The following PPTC7 variants were observed in gnomAD, a reference collection of about 807,000 sequenced individuals.
The protein encoded by PPTC7 is protein phosphatase PTC7 homolog.
A neutral mutation model predicts 30.8 loss-of-function variants in PPTC7; 6 were observed. That is an observed-to-expected ratio of 0.19 (90% CI 0.11 to 0.38). The LOEUF (loss-of-function observed/expected upper bound fraction) is 0.38. Ranked by LOEUF, PPTC7 falls within the 10% of genes least tolerant of loss-of-function variation. The pLI is 1.00. For missense variants in PPTC7, 218 were observed against 404.8 expected (o/e 0.54, Z 3.96); for synonymous variants, 163 against 168.1 (o/e 0.97, Z 0.23).
chr12:110,540,167 A>T (rs1196748694), intron 3 of PPTC7, among the ~76,000 whole-genome samples: 3 of 152,204 alleles, frequency 2.0e-5, no homozygotes, highest in African/African-American at 7.2e-5. Flanking sequence ...AACTGAAACT[A>T]CCGAGTAAAA....
At chr12:110,554,930 T>C (rs575653414) in intron 1 of PPTC7, among the ~76,000 whole-genome samples, 7 of 152,222 alleles carry the variant, frequency 4.6e-5, no homozygotes, top group Non-Finnish European at 7.3e-5. Context: ...TGTATTAATT[T>C]TATTTTTATC....
chr12:110,564,085 T>A (rs981444704), intron 1 of PPTC7, among the ~76,000 whole-genome samples: 3 of 152,256 alleles, frequency 2.0e-5, no homozygotes, highest in Non-Finnish European at 4.4e-5. Flanking sequence ...ATCACTGGTC[T>A]GCCTTCCACA....
chr12:110,569,598 G>A (rs761425546), intron 1 of PPTC7, among the ~76,000 whole-genome samples: 29 of 152,204 alleles, frequency 1.9e-4, no homozygotes, highest in Non-Finnish European at 3.5e-4. Context: ...AGGAAAAAAA[G>A]AGCCAGTTTA....
At chr12:110,562,171 G>C (rs1050457588) in intron 1 of PPTC7, among the ~76,000 whole-genome samples, 1 of 150,930 alleles carries the variant, frequency 6.6e-6, no homozygotes, top group Admixed American at 6.6e-5. Context: ...TGTAGTCCCA[G>C]CTACTCGGAA....
At chr12:110,565,401 G>A (rs1173663631) in intron 1 of PPTC7, among the ~76,000 whole-genome samples, 6 of 151,644 alleles carry the variant, frequency 4.0e-5, no homozygotes, top group Admixed American at 1.3e-4. Flanking sequence ...GATTACAGGC[G>A]CCCACCACCA....
At chr12:110,581,817 T>C (rs149409519) in intron 1 of PPTC7, among the ~76,000 whole-genome samples, 2 of 152,338 alleles carry the variant, frequency 1.3e-5, no homozygotes, top group East Asian at 3.9e-4. Context: ...AACCAAAAAC[T>C]TAGTCTCACC....
chr12:110,546,187 G>A, intron 2 of PPTC7, 109 bp from the exon 3 acceptor site: 2 of 831,720 alleles, frequency 2.4e-6, no homozygotes, highest in South Asian at 3.2e-5. Context: ...AATCTCCTTT[G>A]CCTAAACAGG....
At chr12:110,577,044 G>A (rs1190486461) in intron 1 of PPTC7, among the ~76,000 whole-genome samples, 3 of 151,668 alleles carry the variant, frequency 2.0e-5, no homozygotes, top group Non-Finnish European at 4.4e-5. Context: ...GTGGGTGCCT[G>A]TAATCCCAGC....
intron 3 of PPTC7, among the ~76,000 whole-genome samples, chr12:110,542,286 G>A (rs1171337980): frequency 6.6e-6 from 1 of 151,740 alleles, no homozygotes; most frequent in Non-Finnish European, 1.5e-5. Flanking sequence ...TGTCGTATGT[G>A]CAACCATTTC....
intron 1 of PPTC7, among the ~76,000 whole-genome samples, chr12:110,571,186 C>G (rs955475435): frequency 6.6e-6 from 1 of 151,970 alleles, no homozygotes; most frequent in Admixed American, 6.6e-5. Flanking sequence ...GTAAATATGC[C>G]TCTTATCTCA....
At chr12:110,580,739 G>A (rs1206156041) in intron 1 of PPTC7, among the ~76,000 whole-genome samples, 2 of 151,296 alleles carry the variant, frequency 1.3e-5, no homozygotes, top group Non-Finnish European at 1.5e-5. Context: ...CACAAAAGTC[G>A]CATACAGATT....
At chr12:110,556,580 T>C (rs763738788) in intron 1 of PPTC7, among the ~76,000 whole-genome samples, 39 of 152,262 alleles carry the variant, frequency 2.6e-4, no homozygotes, top group Middle Eastern at 3.4e-3. Flanking sequence ...TCAGAATACA[T>C]GTCAAAGGTA....
chr12:110,539,724 C>A (rs1482434639), intron 4 of PPTC7, 98 bp downstream of exon 4: 8 of 1,129,666 alleles, frequency 7.1e-6, no homozygotes, highest in African/African-American at 3.2e-5. Flanking sequence ...CAAAATAGTT[C>A]TTTCCAAAAC....
chr12:110,542,148 T>C (rs1487028890), intron 3 of PPTC7, among the ~76,000 whole-genome samples: 1 of 149,194 alleles, frequency 6.7e-6, no homozygotes, highest in Non-Finnish European at 1.5e-5. Flanking sequence ...AGACTCCATC[T>C]CAAGAAAAAA....
intron 1 of PPTC7, among the ~76,000 whole-genome samples, chr12:110,562,847 C>G (rs1293284459): frequency 6.7e-6 from 1 of 150,188 alleles, no homozygotes; most frequent in African/African-American, 2.4e-5. Context: ...TCTGGCCAGT[C>G]GCGGTGGCTC....
At chr12:110,541,021 C>T (rs933094960) in intron 3 of PPTC7, among the ~76,000 whole-genome samples, 32 of 151,150 alleles carry the variant, frequency 2.1e-4, no homozygotes, top group South Asian at 6.3e-4. Context: ...GTGATCTGCC[C>T]GCCTTGGCCT....
intron 3 of PPTC7, among the ~76,000 whole-genome samples, chr12:110,540,554 G>A (rs574620816): frequency 6.6e-6 from 1 of 152,064 alleles, no homozygotes; most frequent in East Asian, 1.9e-4. Flanking sequence ...GTTTTGCCAC[G>A]TTGGCCAGGC....
intron 1 of PPTC7, among the ~76,000 whole-genome samples, chr12:110,571,399 T>C (rs992736736): frequency 6.6e-6 from 1 of 151,680 alleles, no homozygotes; most frequent in African/African-American, 2.4e-5. Context: ...TATGGAATGA[T>C]TGGGCCATTA....
chr12:110,548,512 C>T (rs2064327345), intron 2 of PPTC7, among the ~76,000 whole-genome samples: 1 of 152,182 alleles, frequency 6.6e-6, no homozygotes, highest in Non-Finnish European at 1.5e-5. Context: ...CCATAGCTTA[C>T]AGTAGGACAA....
Sources: gnomAD v4.1 joint callset for allele counts (sites outside exome capture counted in the v4.1 genomes callset) on GRCh38, gnomAD v4.1.1 for gene constraint, MANE v1.5 for transcripts, NCBI Gene and HGNC (gene_info 2026-07-23, HGNC 2026-07-21) for gene names.